Variants in ARHGAP32 observed in about 807,000 individuals in gnomAD.
ARHGAP32 encodes rho GTPase-activating protein 32.
ARHGAP32 carries 51 observed loss-of-function variants against 186.5 expected under a neutral mutation model. The observed-to-expected ratio is 0.27, with a 90% CI of 0.22 to 0.35. ARHGAP32 has a LOEUF of 0.35. ARHGAP32 is among the 10% of genes least tolerant of loss of function. The pLI, the probability that ARHGAP32 is intolerant of heterozygous loss-of-function variation, is 1.00. For synonymous variants in ARHGAP32, 950 were observed against 964.3 expected (o/e 0.99, Z 0.27); for missense variants, 2,186 against 2,623.5 (o/e 0.83, Z 3.64).
At position 128,973,313 on chromosome 11, in the gene ARHGAP32, C is replaced by T. The variant is rs1945446354; in HGVS notation, c.3193G>A (p.Ala1065Thr). The part of the protein sequence containing the change: ...RMLALALAES[A>T]QQASTQSLKR... ...AATGACTGAGTTGAGGCTTGCTGTG[C>T]GGACTCAGCTAATGCTAGCGCCAAC... Residue 1065 changes from alanine (A) to threonine (T), a missense_variant, in exon 22 of 23, where the codon GCA becomes ACA. Ala to Thr is a moderately conservative substitution (Grantham distance 58). This residue lies in a region of ARHGAP32 where 1,502 missense variants were observed against 1,570.0 expected (regional missense o/e 0.96). Coordinates refer to ENST00000682385, the MANE Select transcript of ARHGAP32 (RefSeq NM_001378024.1). 10 of 1,614,096 alleles carry T rather than the reference C, an allele frequency of 6.2e-6. No homozygotes were observed. The highest frequency in any genetic ancestry group is 1.3e-5 in the African/African-American group (1 of 75,006).
chr11:129,199,760 T>C (rs1429302592), intron 1 of ARHGAP32, among the ~76,000 whole-genome samples: 1 of 152,128 alleles, frequency 6.6e-6, no homozygotes, highest in Non-Finnish European at 1.5e-5. Flanking sequence ...CTAGTGGAGC[T>C]GTGAGAAGAG....
At position 128,973,248 on chromosome 11, in the gene ARHGAP32, A is replaced by G; in HGVS notation, c.3258T>C (p.Tyr1086=). ...CAGTTGTAGCCACCGCTATGTCTCC[A>G]TAATTTGTATACCCAGCCTGAGAGG... is the stretch of plus-strand genomic sequence containing the variant. ...PGTSQAGYTN[Y]GDIAVATTED... The change falls in exon 22 of 23, where the codon TAT becomes TAC. Residue 1086 remains tyrosine, a synonymous_variant. Coordinates refer to ENST00000682385, the MANE Select transcript of ARHGAP32 (RefSeq NM_001378024.1). The G allele has an allele frequency of 6.2e-7, 1 of 1,614,188 alleles. No homozygotes were observed. The highest frequency in any genetic ancestry group is 8.5e-7 in the Non-Finnish European group (1 of 1,180,024).
intron 1 of ARHGAP32, among the ~76,000 whole-genome samples, chr11:129,249,677 T>C (rs923108908): frequency 6.6e-6 from 1 of 152,088 alleles, no homozygotes; most frequent in Admixed American, 6.6e-5. Context: ...AGCCATAAAC[T>C]AGATCAAGTT....
chr11:129,086,017 C>CAAAAAAAAAAAA (rs60940372), intron 6 of ARHGAP32, among the ~76,000 whole-genome samples: 1 of 127,924 alleles, frequency 7.8e-6, no homozygotes. Context: ...AACAAACAAA[C>CAAAAAAAAAAAA]AAAAAAAAAA....
chr11:129,135,420 A>G (rs1942914262), intron 2 of ARHGAP32, among the ~76,000 whole-genome samples: 1 of 152,230 alleles, frequency 6.6e-6, no homozygotes, highest in African/African-American at 2.4e-5. Flanking sequence ...TAAGTCAGAA[A>G]AAAGATGGCC....
intron 1 of ARHGAP32, among the ~76,000 whole-genome samples, chr11:129,244,535 GGGCA>G (rs1945062592): frequency 6.6e-6 from 1 of 152,100 alleles, no homozygotes; most frequent in Non-Finnish European, 1.5e-5. Flanking sequence ...ACATAGGCAT[GGGCA>G]AGAACTTCAT....
chr11:129,102,423 C>T (rs1223288840), intron 5 of ARHGAP32, among the ~76,000 whole-genome samples: 2 of 152,136 alleles, frequency 1.3e-5, no homozygotes, highest in South Asian at 2.1e-4. Context: ...GATAAAGAAC[C>T]AAGACCCATT....
intron 1 of ARHGAP32, among the ~76,000 whole-genome samples, chr11:129,189,456 T>C (rs1385979109): frequency 6.6e-6 from 1 of 152,226 alleles, no homozygotes; most frequent in East Asian, 1.9e-4. Flanking sequence ...AAGTAAAGTT[T>C]TTCTTTCTTG....
chr11:129,102,249 A>G (rs893526195), intron 5 of ARHGAP32, among the ~76,000 whole-genome samples: 1 of 152,212 alleles, frequency 6.6e-6, no homozygotes, highest in Non-Finnish European at 1.5e-5. Flanking sequence ...ACAGAAACAC[A>G]CTGAAATAAG....
chr11:129,035,196 A>G (rs201655009), intron 11 of ARHGAP32, among the ~76,000 whole-genome samples: 1 of 127,738 alleles, frequency 7.8e-6, no homozygotes, highest in East Asian at 2.3e-4. Flanking sequence ...CTCTCTCTCT[A>G]TCAAACTCTT....
chr11:129,067,433 A>C (rs1201207448), intron 6 of ARHGAP32, among the ~76,000 whole-genome samples: 1 of 152,072 alleles, frequency 6.6e-6, no homozygotes, highest in Non-Finnish European at 1.5e-5. Context: ...ACACTCATAA[A>C]GGATATTTAT....
At chr11:129,168,889 A>T (rs1386249122) in intron 1 of ARHGAP32, among the ~76,000 whole-genome samples, 1 of 152,214 alleles carries the variant, frequency 6.6e-6, no homozygotes, top group Non-Finnish European at 1.5e-5. Flanking sequence ...TTGGAAATAA[A>T]GAAACACAAT....
At chr11:129,242,186 T>G (rs1461583933) in intron 1 of ARHGAP32, among the ~76,000 whole-genome samples, 1 of 152,140 alleles carries the variant, frequency 6.6e-6, no homozygotes, top group African/African-American at 2.4e-5. Flanking sequence ...CCACCTATGG[T>G]GCAAAATTTT....
Position 128,970,367 on chromosome 11 carries a change from T to G in ARHGAP32, c.4846A>C (p.Thr1616Pro). The part of the protein sequence containing the change: ...SMIRSVPISR[T>P]EVPPDDEPAY... ...GGCTCATCATCTGGGGGAACTTCTG[T>G]CCGTGAAATGGGAACAGAGCGAATC... is the stretch of plus-strand genomic sequence containing the variant. The change falls in exon 23 of 23, where the codon ACA becomes CCA. Residue 1616 changes from threonine (T) to proline (P), a missense_variant. Physicochemically the swap from Thr to Pro is conservative, Grantham distance 38. Transcript: ENST00000682385. The surrounding 1 kb of genome is among the most constrained non-coding windows in gnomAD (Gnocchi z 5.8). 1 of 1,614,036 alleles carries G rather than the reference T, an allele frequency of 6.2e-7. No individual in the cohort carries two copies. The highest frequency in any genetic ancestry group is 8.5e-7 in the Non-Finnish European group (1 of 1,179,998).
chr11:129,088,364 G>A (rs1423804256), intron 6 of ARHGAP32, among the ~76,000 whole-genome samples: 2 of 151,832 alleles, frequency 1.3e-5, no homozygotes, highest in African/African-American at 2.4e-5. Context: ...GGTGGATCAC[G>A]AGGTCAGGAG....
At chr11:129,032,546 G>C (rs1403632404) in intron 11 of ARHGAP32, among the ~76,000 whole-genome samples, 1 of 152,000 alleles carries the variant, frequency 6.6e-6, no homozygotes, top group East Asian at 1.9e-4. Flanking sequence ...TCTGTGATTT[G>C]CCTTTTCATT....
chr11:129,161,058 G>A (rs1297063406), intron 2 of ARHGAP32, among the ~76,000 whole-genome samples: 1 of 152,098 alleles, frequency 6.6e-6, no homozygotes, highest in African/African-American at 2.4e-5. Context: ...ATGGGGAAAG[G>A]ATTCCTTATT....
At chr11:129,143,566 C>T (rs519061) in intron 2 of ARHGAP32, among the ~76,000 whole-genome samples, 14,934 of 150,622 alleles carry the variant, frequency 0.099, no homozygotes, top group Non-Finnish European at 0.14. Context: ...CAGACCAACT[C>T]TCATGGTATT....
At chr11:129,156,401 T>C (rs1424688174) in intron 2 of ARHGAP32, among the ~76,000 whole-genome samples, 1 of 152,026 alleles carries the variant, frequency 6.6e-6, no homozygotes, top group Admixed American at 6.5e-5. Flanking sequence ...TCGAGCTTGG[T>C]AGGGGGAGAG....
Sources: allele counts gnomAD v4.1 joint callset (sites outside exome capture counted in the v4.1 genomes callset), GRCh38; gene constraint gnomAD v4.1.1; regional missense constraint gnomAD v4.1.1; non-coding constraint Gnocchi (gnomAD v3.1); transcripts MANE v1.5; gene names NCBI Gene and HGNC (gene_info 2026-07-23, HGNC 2026-07-21).